The following USP19 variants were observed in gnomAD, a reference collection of about 807,000 sequenced individuals.
USP19 encodes ubiquitin carboxyl-terminal hydrolase 19.
USP19 carries 40 observed loss-of-function variants against 144.8 expected under a neutral mutation model. The observed-to-expected ratio is 0.28, with a 90% CI of 0.21 to 0.36. The LOEUF (loss-of-function observed/expected upper bound fraction) is 0.36. Ranked by LOEUF, USP19 falls within the 10% of genes least tolerant of loss-of-function variation. The probability of loss-of-function intolerance (pLI) is 1.00; values close to 1 mark genes in which losing one functional copy is unlikely to be tolerated. For missense variants in USP19, 1,518 were observed against 1,822.5 expected (o/e 0.83, Z 3.04); for synonymous variants, 701 against 709.3 (o/e 0.99, Z 0.19).
At chr3:49,109,057 C>A in intron 26 of USP19, 2 of 1,611,842 alleles carry the variant, frequency 1.2e-6, no homozygotes, top group Admixed American at 3.3e-5. Flanking sequence ...GGAGGCAGCC[C>A]TCATCTGGTG....
In USP19 at chr3:49,112,385, G is replaced by A. The variant is rs371964430; in HGVS notation, c.2664C>T (p.Ser888=). 7.5e-5 allele frequency: 121 copies of A among 1,614,000 alleles called. No homozygotes were observed. The highest frequency in any genetic ancestry group is 1.6e-4 in the South Asian group (15 of 91,078). ...AGGCTGCACACTTGGAGATGGGGACGCTGGGCACCTGGGGGCGCTAGGGTG... is the reference window on the plus strand; with the variant it reads ...AGGCTGCACACTTGGAGATGGGGACACTGGGCACCTGGGGGCGCTAGGGTG... ...LEVQQRPQVP[S]VPISKCAACQ... The change falls in exon 19 of 27, where the codon AGC becomes AGT. Residue 888 remains serine, a synonymous_variant. Coordinates refer to ENST00000417901, the MANE Select transcript of USP19 (RefSeq NM_001199161.2). The surrounding 1 kb of genome is among the most constrained non-coding windows in gnomAD (Gnocchi z 4.9).
At position 49,108,316 on chromosome 3, in the gene USP19, GC is replaced by G; in HGVS notation, c.*95del. 2.9e-6 allele frequency: 1 copy of G among 347,780 alleles called. No individual in the cohort carries two copies. The highest frequency in any genetic ancestry group is 5.4e-6 in the Non-Finnish European group (1 of 185,202). 21.5% of individuals were successfully genotyped at this position (347,780 alleles called of 1,614,324 possible). On this transcript the variant is annotated 3_prime_UTR_variant, in exon 27 of 27. Coordinates refer to ENST00000417901, the MANE Select transcript of USP19 (RefSeq NM_001199161.2). The surrounding 1 kb of genome is among the most constrained non-coding windows in gnomAD (Gnocchi z 4.8). ...TACCCCTCAGCTTCCCATTGACAGA[GC>G]CAGTGTCCTCTGGGTTAGAGAAGGA...
rs2044390277 is a variant in USP19, at chr3:49,117,644, C to G, written c.472+13G>C. 1 of 1,614,022 alleles carries G rather than the reference C, an allele frequency of 6.2e-7. No individual in the cohort carries two copies. The highest frequency in any genetic ancestry group is 1.7e-5 in the Admixed American group (1 of 60,000). The stretch of plus-strand genomic sequence containing the variant: ...TTCAAACATACTACTGTGCTCAGGG[C>G]AGATGGACACACCTGCAAACCGCAC... On this transcript the variant is annotated intron_variant, in intron 4 of 26. Transcript: ENST00000417901. The surrounding 1 kb of genome is among the most constrained non-coding windows in gnomAD (Gnocchi z 4.4).
In USP19 at chr3:49,117,158, C is replaced by A; in HGVS notation, c.810G>T (p.Arg270Ser). ...PGAQAGPSAK[R>S]AVHLCRGPEG... ...CTGGCCCTCTGCAGAGATGCACAGC[C>A]CTCTTGGCGCTGGGCCCTGCCTGGG... The change falls in exon 6 of 27, where the codon AGG (arginine) becomes AGT (serine). Residue 270 changes from arginine (R) to serine (S), a missense_variant. Coordinates refer to ENST00000417901, the MANE Select transcript of USP19 (RefSeq NM_001199161.2). The surrounding 1 kb of genome is among the most constrained non-coding windows in gnomAD (Gnocchi z 4.4). 6.5e-7 allele frequency: 1 copy of A among 1,548,626 alleles called. No individual in the cohort carries two copies. The highest frequency in any genetic ancestry group is 1.2e-5 in the South Asian group (1 of 84,152).
In USP19 at chr3:49,111,503, C is replaced by A; in HGVS notation, c.3214G>T (p.Glu1072Ter). 6.2e-7 allele frequency: 1 copy of A among 1,611,326 alleles called. No homozygotes were observed. Among genetic ancestry groups the A allele is most frequent in the Non-Finnish European group, 8.5e-7 (1 of 1,179,754 alleles). ...LPAGERVSRP[E>*]AAVPGYQHPS... ...AGAGCCTTTCACTGGATCTTACCTTCGGGTCGGGACACCCTCTCGCCAGCT... is the reference window on the plus strand; with the variant it reads ...AGAGCCTTTCACTGGATCTTACCTTAGGGTCGGGACACCCTCTCGCCAGCT... Residue 1072 changes from glutamate to a stop codon, truncating the protein, a stop_gained, in exon 21 of 27, where the codon GAA becomes TAA. Transcript: ENST00000417901. LOFTEE classifies it high-confidence loss of function. The surrounding 1 kb of genome is among the most constrained non-coding windows in gnomAD (Gnocchi z 5.9).
Position 49,111,728 on chromosome 3 carries a change from A to G in USP19, c.2989T>C (p.Ser997Pro), listed in dbSNP as rs2043179952. 1.3e-6 allele frequency: 2 copies of G among 1,575,372 alleles called. No individual in the cohort carries two copies. Among genetic ancestry groups the G allele is most frequent in the African/African-American group, 1.4e-5 (1 of 73,922 alleles). The change falls in exon 21 of 27, where the codon TCC becomes CCC. Residue 997 changes from serine to proline, a missense_variant. By Grantham distance (74) the Ser-to-Pro change is moderately conservative. Transcript: ENST00000417901. This position sits in a 1 kb window ranked among gnomAD's most constrained non-coding sequence, Gnocchi z 5.9. ...TCCCCAGCCTCCAGGGAACCTGTGG[A>G]GAGCAGTGTGGTGCAGCCAGGGCTC... Reference protein sequence around the residue: ...SQSPGCTTLLSTGSLEAGDSE... With the variant: ...SQSPGCTTLLPTGSLEAGDSE...
At position 49,112,662 on chromosome 3, in the gene USP19, G is replaced by A. The variant is rs1560007344; in HGVS notation, c.2506-33C>T. On this transcript the variant is annotated intron_variant, in intron 17 of 26. Coordinates refer to ENST00000417901, the MANE Select transcript of USP19 (RefSeq NM_001199161.2). The surrounding 1 kb of genome is among the most constrained non-coding windows in gnomAD (Gnocchi z 4.9). ...CAGAGAACACACAGATCCCACGTGA[G>A]GATAAGCCCTTTCCCTAGCCCTGCC... 3.1e-6 allele frequency: 5 copies of A among 1,595,102 alleles called. No individual in the cohort carries two copies. Among genetic ancestry groups the A allele is most frequent in the African/African-American group, 1.3e-5 (1 of 74,802 alleles).
At position 49,110,574 on chromosome 3, in the gene USP19, A is replaced by C. The variant is rs749334281; in HGVS notation, c.3729T>G (p.Gly1243=). ...RNLDLSKFCI[G]QKEEQLPSYD... is the part of the protein sequence containing the mutation. ...AGCTGGGCAGCTGCTCCTCTTTCTG[A>C]CCAATGCAGAACTTGCTCAGGTCCA... The change falls in exon 25 of 27, where the codon GGT becomes GGG. Residue 1243 remains glycine, a synonymous_variant. Coordinates refer to ENST00000417901, the MANE Select transcript of USP19 (RefSeq NM_001199161.2). The surrounding 1 kb of genome is among the most constrained non-coding windows in gnomAD (Gnocchi z 6.1). The C allele has an allele frequency of 3.1e-6, 5 of 1,613,894 alleles. No homozygotes were observed. The South Asian group carries it at 3.3e-5, about 11-fold the overall frequency.
Position 49,108,829 on chromosome 3 carries a change from A to G in USP19, c.4039-301T>C, listed in dbSNP as rs992573617. Reference sequence around the variant, plus strand: ...ATACTCTGCCCCTGCAGGGGCCACAACCTCCCCACCCTCTCCCACCAGATG... The same window carrying G: ...ATACTCTGCCCCTGCAGGGGCCACAGCCTCCCCACCCTCTCCCACCAGATG... On this transcript the variant is annotated intron_variant, in intron 26 of 26. Coordinates refer to ENST00000417901, the MANE Select transcript of USP19 (RefSeq NM_001199161.2). The surrounding 1 kb of genome is among the most constrained non-coding windows in gnomAD (Gnocchi z 4.8). The G allele has an allele frequency of 1.3e-4, 181 of 1,447,712 alleles. 1 individual carries two copies. Among genetic ancestry groups the G allele is most frequent in the Non-Finnish European group, 1.6e-4 (172 of 1,099,294 alleles). The allele number at this position is 1,447,712 out of a possible 1,614,324, so 89.7% of individuals were successfully genotyped here. A position where few individuals can be genotyped will look rare whatever the true frequency, so the allele number is the denominator to read the frequency against.
In USP19 at chr3:49,110,429, T is replaced by C; in HGVS notation, c.3859+15A>G. On this transcript the variant is annotated intron_variant, in intron 25 of 26. Coordinates refer to ENST00000417901, the MANE Select transcript of USP19 (RefSeq NM_001199161.2). The surrounding 1 kb of genome is among the most constrained non-coding windows in gnomAD (Gnocchi z 6.1). ...CACCCCTACCACCTATCCTGCTGGC[T>C]GTGTGTGCCCTCACCCACGTCACTG... 1 of 1,612,952 alleles carries C rather than the reference T, an allele frequency of 6.2e-7. No homozygotes were observed. The highest frequency in any genetic ancestry group is 1.1e-5 in the South Asian group (1 of 90,992).
chr3:49,119,893 T>G (rs1276154556), intron 1 of USP19, among the ~76,000 whole-genome samples: 1 of 152,180 alleles, frequency 6.6e-6, no homozygotes, highest in Admixed American at 6.5e-5. Context: ...TCTCCCCAGC[T>G]GCTGTCCCAA....
chr3:49,115,595 A>G lies in USP19; in HGVS notation c.1737T>C (p.Val579=). ...CMVPPMPHSP[V]SGDSVEEEEE... ...CCTCCTCCTCCACGCTGTCTCCACT[A>G]ACTGGGCTGTGGGGCATGGGAGGCA... The change falls in exon 12 of 27, where the codon GTT becomes GTC. Residue 579 remains valine (V), a synonymous_variant. Coordinates refer to ENST00000417901, the MANE Select transcript of USP19 (RefSeq NM_001199161.2). This position sits in a 1 kb window ranked among gnomAD's most constrained non-coding sequence, Gnocchi z 6.6. 1.2e-6 allele frequency: 2 copies of G among 1,611,398 alleles called. No individual in the cohort carries two copies. Among genetic ancestry groups the G allele is most frequent in the Non-Finnish European group, 1.7e-6 (2 of 1,178,650 alleles).
In USP19 at chr3:49,114,413, G is replaced by T; in HGVS notation, c.2293-129C>A. 1.2e-6 allele frequency: 1 copy of T among 802,184 alleles called. No homozygotes were observed. The highest frequency in any genetic ancestry group is 2.0e-6 in the Non-Finnish European group (1 of 499,806). The allele number at this position is 802,184 out of a possible 1,614,324, so 49.7% of individuals were successfully genotyped here. On this transcript the variant is annotated intron_variant, in intron 15 of 26. Coordinates refer to ENST00000417901, the MANE Select transcript of USP19 (RefSeq NM_001199161.2). This position sits in a 1 kb window ranked among gnomAD's most constrained non-coding sequence, Gnocchi z 4.5. ...CCACAGCCAACCAGCAAACTCTCAG[G>T]CTTCAGGACACTAGACAGGGCAGGA...
At chr3:49,118,261 G>A in intron 2 of USP19, 141 bp from the exon 3 acceptor site, 1 of 342,448 alleles carries the variant, frequency 2.9e-6, no homozygotes, top group Non-Finnish European at 5.2e-6. Flanking sequence ...GTGAGACCCT[G>A]CCTTTAAAAA....
In USP19 at chr3:49,117,156, G is replaced by A. The variant is rs1283675847; in HGVS notation, c.812C>T (p.Ala271Val). The change falls in exon 6 of 27, where the codon GCT (alanine) becomes GTT (valine). Residue 271 changes from alanine (A) to valine (V), a missense_variant. Coordinates refer to ENST00000417901, the MANE Select transcript of USP19 (RefSeq NM_001199161.2). The surrounding 1 kb of genome is among the most constrained non-coding windows in gnomAD (Gnocchi z 4.4). ...GAQAGPSAKR[A>V]VHLCRGPEGD... The stretch of plus-strand genomic sequence containing the variant: ...CTCTGGCCCTCTGCAGAGATGCACA[G>A]CCCTCTTGGCGCTGGGCCCTGCCTG... 2 of 1,548,452 alleles carry A rather than the reference G, an allele frequency of 1.3e-6. No individual in the cohort carries two copies. The highest frequency in any genetic ancestry group is 4.9e-5 in the East Asian group (2 of 40,912).
In USP19 at chr3:49,116,576, G is replaced by C; in HGVS notation, c.1158C>G (p.Val386=). 1 of 1,614,144 alleles carries C rather than the reference G, an allele frequency of 6.2e-7. No homozygotes were observed. Among genetic ancestry groups the C allele is most frequent in the Non-Finnish European group, 8.5e-7 (1 of 1,180,040 alleles). The part of the protein sequence containing the change: ...EPESMVNLAF[V]KNDSYEKGPD... ...GGCCCTTCTCATACGAGTCATTCTTGACAAACGCCAGGTTCACCATCGACT... is the reference window on the plus strand; with the variant it reads ...GGCCCTTCTCATACGAGTCATTCTTCACAAACGCCAGGTTCACCATCGACT... The change falls in exon 8 of 27, where the codon GTC becomes GTG. Residue 386 remains valine (V), a synonymous_variant. Transcript: ENST00000417901. The surrounding 1 kb of genome is among the most constrained non-coding windows in gnomAD (Gnocchi z 5.0).
chr3:49,114,709 A>G lies in USP19; in HGVS notation c.2292+54T>C. 1 of 1,586,520 alleles carries G rather than the reference A, an allele frequency of 6.3e-7. No homozygotes were observed. The highest frequency in any genetic ancestry group is 8.6e-7 in the Non-Finnish European group (1 of 1,156,556). Reference sequence around the variant, plus strand: ...TGCACATGCCTCTGAACCTAATGTGACCAGAATAGCTGAGCTGAACTAGGG... The same window carrying G: ...TGCACATGCCTCTGAACCTAATGTGGCCAGAATAGCTGAGCTGAACTAGGG... On this transcript the variant is annotated intron_variant, in intron 15 of 26. Coordinates refer to ENST00000417901, the MANE Select transcript of USP19 (RefSeq NM_001199161.2). The surrounding 1 kb of genome is among the most constrained non-coding windows in gnomAD (Gnocchi z 4.5).
rs369805822 is a variant in USP19, at chr3:49,111,772, C to T, written c.2945G>A (p.Arg982His). 24 of 1,553,778 alleles carry T rather than the reference C, an allele frequency of 1.5e-5. No homozygotes were observed. The highest frequency in any genetic ancestry group is 2.0e-5 in the Non-Finnish European group (23 of 1,148,716). The change falls in exon 21 of 27, where the codon CGC becomes CAC. Residue 982 changes from arginine (R) to histidine (H), a missense_variant. Arg to His is a conservative substitution (Grantham distance 29). Coordinates refer to ENST00000417901, the MANE Select transcript of USP19 (RefSeq NM_001199161.2). This position sits in a 1 kb window ranked among gnomAD's most constrained non-coding sequence, Gnocchi z 5.9. ...AGGGCTCTGAGACTCCAAGGCCATG[C>T]GGCCTGGCTGAAAGGGTGGCTGGAA... ...SVFQPPFQPG[R>H]MALESQSPGC...
rs962017051 is a variant in USP19, at chr3:49,110,017, T to C, written c.4038+167A>G. On this transcript the variant is annotated intron_variant, in intron 26 of 26. Transcript: ENST00000417901. This position sits in a 1 kb window ranked among gnomAD's most constrained non-coding sequence, Gnocchi z 6.1. ...TATGTTTGTTAGTGTCCCCAAGGCA[T>C]GGGGATGCCTCTGGCTAAAGCTTTG... The C allele has an allele frequency of 9.3e-6, 7 of 749,012 alleles. No homozygotes were observed. Among genetic ancestry groups the C allele is most frequent in the African/African-American group, 3.6e-5 (2 of 55,688 alleles). 46.4% of individuals were successfully genotyped at this position (749,012 alleles called of 1,614,324 possible).
Sources: gnomAD v4.1 joint callset for allele counts (sites outside exome capture counted in the v4.1 genomes callset) on GRCh38, gnomAD v4.1.1 for gene constraint, Gnocchi (gnomAD v3.1) non-coding constraint, MANE v1.5 for transcripts, NCBI Gene and HGNC (gene_info 2026-07-23, HGNC 2026-07-21) for gene names.